The following CNTNAP2 variants were observed in gnomAD, a reference collection of about 807,000 sequenced individuals.
CNTNAP2 encodes contactin associated protein 2, also known as contactin-associated protein-like 2.
A neutral mutation model predicts 155.2 loss-of-function variants in CNTNAP2; 98 were observed. The ratio of observed to expected loss-of-function variants is 0.63; its 90% CI spans 0.54 to 0.75. The LOEUF is 0.75. Ranked by LOEUF, CNTNAP2 falls within the 30% of genes least tolerant of loss-of-function variation. The probability of loss-of-function intolerance (pLI) is 0.00; values close to 1 mark genes in which losing one functional copy is unlikely to be tolerated. For synonymous variants in CNTNAP2, 651 were observed against 631.2 expected, an observed-to-expected ratio of 1.03 and a Z score of -0.47; for missense variants, 1,727 against 1,688.1, an observed-to-expected ratio of 1.02 and a Z score of -0.40.
intron 1 of CNTNAP2, among the ~76,000 whole-genome samples, chr7:146,747,378 C>A (rs181013542): frequency 8.6e-4 from 131 of 152,238 alleles, no homozygotes; most frequent in African/African-American, 3.0e-3. Context: ...TCCATTACAT[C>A]CTATCTCTGT....
At chr7:147,321,448 T>A (rs1795349111) in intron 9 of CNTNAP2, among the ~76,000 whole-genome samples, 1 of 152,154 alleles carries the variant, frequency 6.6e-6, no homozygotes, top group Non-Finnish European at 1.5e-5. Flanking sequence ...TTCATTTTTA[T>A]TTTTTTAACC....
intron 9 of CNTNAP2, among the ~76,000 whole-genome samples, chr7:147,348,810 C>T (rs1795922436): frequency 6.6e-6 from 1 of 151,908 alleles, no homozygotes; most frequent in Non-Finnish European, 1.5e-5. Context: ...TACTATTCAC[C>T]TATTAAAAAG....
At chr7:148,236,154 G>A (rs1011616769) in intron 20 of CNTNAP2, among the ~76,000 whole-genome samples, 3 of 152,128 alleles carry the variant, frequency 2.0e-5, no homozygotes, top group Non-Finnish European at 4.4e-5. Flanking sequence ...TCATGTGCTG[G>A]TAAATGCACC....
intron 14 of CNTNAP2, among the ~76,000 whole-genome samples, chr7:147,938,299 C>G (rs1332070915): frequency 2.0e-5 from 3 of 152,032 alleles, no homozygotes; most frequent in Non-Finnish European, 4.4e-5. Flanking sequence ...ATACTAAGAC[C>G]TACTATACAC....
chr7:147,226,014 A>G (rs762818369), intron 8 of CNTNAP2, among the ~76,000 whole-genome samples: 3 of 151,960 alleles, frequency 2.0e-5, no homozygotes, highest in Non-Finnish European at 2.9e-5. Context: ...AATGAAAGAA[A>G]GAAAGAAAAC....
intron 1 of CNTNAP2, among the ~76,000 whole-genome samples, chr7:146,423,045 G>A (rs1269327342): frequency 6.6e-6 from 1 of 152,006 alleles, no homozygotes; most frequent in Admixed American, 6.6e-5. Context: ...TGTACCTAAT[G>A]CTAGTTATTT....
chr7:146,596,591 G>GAGAC (rs200222213), intron 1 of CNTNAP2, among the ~76,000 whole-genome samples: 2,257 of 96,326 alleles, frequency 0.023, 58 homozygotes, highest in South Asian at 0.11. Flanking sequence ...AGATAGAAGG[G>GAGAC]AGACAGAGAG....
At chr7:148,322,884 C>A (rs1797819921) in intron 21 of CNTNAP2, among the ~76,000 whole-genome samples, 1 of 140,102 alleles carries the variant, frequency 7.1e-6, no homozygotes, top group South Asian at 2.4e-4. Context: ...TTCTCTTTTT[C>A]TAAAATCTAT....
At chr7:146,948,002 A>AT (rs2129227253) in intron 3 of CNTNAP2, among the ~76,000 whole-genome samples, 1 of 152,260 alleles carries the variant, frequency 6.6e-6, no homozygotes, top group South Asian at 2.1e-4. Context: ...TTCTCACCTT[A>AT]TAATAGCATA....
At chr7:147,201,255 C>A (rs1039796255) in intron 8 of CNTNAP2, among the ~76,000 whole-genome samples, 1 of 152,118 alleles carries the variant, frequency 6.6e-6, no homozygotes, top group African/African-American at 2.4e-5. Flanking sequence ...TTAGGAAATA[C>A]TGAACAATTT....
chr7:146,385,922 G>C (rs1208727330), intron 1 of CNTNAP2, among the ~76,000 whole-genome samples: 3 of 152,166 alleles, frequency 2.0e-5, no homozygotes, highest in Non-Finnish European at 4.4e-5. Flanking sequence ...GGCAAACAAT[G>C]TGTTTCCATT....
intron 1 of CNTNAP2, among the ~76,000 whole-genome samples, chr7:146,579,370 T>C (rs927607649): frequency 6.6e-5 from 10 of 152,092 alleles, no homozygotes; most frequent in African/African-American, 9.7e-5. Flanking sequence ...TAAAGATGGA[T>C]TGTATTGATG....
chr7:147,135,271 GCCT>G (rs1801455610), intron 8 of CNTNAP2, among the ~76,000 whole-genome samples: 1 of 151,742 alleles, frequency 6.6e-6, no homozygotes, highest in Non-Finnish European at 1.5e-5. Context: ...AAACTCAGTA[GCCT>G]TGAATTTACA....
chr7:148,254,716 C>T (rs1328703942), intron 20 of CNTNAP2, among the ~76,000 whole-genome samples: 1 of 143,578 alleles, frequency 7.0e-6, no homozygotes, highest in African/African-American at 2.6e-5. Flanking sequence ...GCGGAAGTTG[C>T]AGTGAGTCAA....
intron 8 of CNTNAP2, among the ~76,000 whole-genome samples, chr7:147,236,378 C>A (rs183721978): frequency 6.6e-6 from 1 of 152,024 alleles, no homozygotes; most frequent in East Asian, 1.9e-4. Context: ...TGTGTGTCAC[C>A]TACTGAGTTT....
chr7:146,571,065 T>G (rs1798432723), intron 1 of CNTNAP2, among the ~76,000 whole-genome samples: 1 of 152,130 alleles, frequency 6.6e-6, no homozygotes, highest in African/African-American at 2.4e-5. Flanking sequence ...TAATAAAGAA[T>G]GCAAGGAGAT....
intron 1 of CNTNAP2, among the ~76,000 whole-genome samples, chr7:146,740,340 A>T (rs1437366700): frequency 1.4e-5 from 2 of 143,736 alleles, no homozygotes; most frequent in Non-Finnish European, 1.5e-5. Flanking sequence ...TTTTTTACTT[A>T]TTATTATTAT....
At chr7:147,119,880 T>G (rs1013999503) in intron 5 of CNTNAP2, among the ~76,000 whole-genome samples, 2 of 152,172 alleles carry the variant, frequency 1.3e-5, no homozygotes, top group Admixed American at 6.5e-5. Flanking sequence ...TATATTTTTA[T>G]AGTGATTAAT....
intron 8 of CNTNAP2, among the ~76,000 whole-genome samples, chr7:147,133,663 A>T (rs1209505181): frequency 6.6e-6 from 1 of 152,068 alleles, no homozygotes; most frequent in Non-Finnish European, 1.5e-5. Context: ...CCTTTCAACT[A>T]ACAGAATATC....
Sources: allele counts gnomAD v4.1 joint callset (sites outside exome capture counted in the v4.1 genomes callset), GRCh38; gene constraint gnomAD v4.1.1; transcripts MANE v1.5; gene names NCBI Gene and HGNC (gene_info 2026-07-23, HGNC 2026-07-21).